SMYD3: variants seen among roughly 807,000 people sequenced by gnomAD.
The protein encoded by SMYD3 is histone-lysine N-methyltransferase SMYD3.
SMYD3 carries 36 observed loss-of-function variants against 57.7 expected under a neutral mutation model. That is an observed-to-expected ratio of 0.62 (90% confidence interval 0.48 to 0.82). The LOEUF is 0.82. SMYD3 is among the 40% of genes least tolerant of loss of function. The probability of loss-of-function intolerance (pLI) is 0.00; values close to 1 mark genes in which losing one functional copy is unlikely to be tolerated. For missense variants in SMYD3, 515 were observed against 538.8 expected (o/e 0.96, Z 0.44); for synonymous variants, 211 against 195.0 (o/e 1.08, Z -0.68).
At chr1:246,438,066 AG>A (rs35134666) in intron 1 of SMYD3, among the ~76,000 whole-genome samples, 61,752 of 151,994 alleles carry the variant, frequency 0.41, 13,980 homozygotes, top group Admixed American at 0.52. Context: ...GATCAAATAG[AG>A]GGGGGAAAAA....
intron 7 of SMYD3, among the ~76,000 whole-genome samples, chr1:245,917,900 TAAAAG>T (rs1234023702): frequency 2.0e-5 from 3 of 152,186 alleles, no homozygotes; most frequent in African/African-American, 7.2e-5. Flanking sequence ...TTGTTATACT[TAAAAG>T]AAAGCATCTC....
At chr1:245,940,621 AT>A (rs1302477260) in intron 5 of SMYD3, among the ~76,000 whole-genome samples, 1 of 152,204 alleles carries the variant, frequency 6.6e-6, no homozygotes, top group Non-Finnish European at 1.5e-5. Context: ...CACCGACATC[AT>A]CATCAACAAA....
intron 5 of SMYD3, among the ~76,000 whole-genome samples, chr1:245,963,070 C>A (rs1194255741): frequency 1.3e-5 from 2 of 152,132 alleles, no homozygotes; most frequent in Non-Finnish European, 2.9e-5. Context: ...CTTCTGGCTT[C>A]TGATCTGGTA....
intron 1 of SMYD3, among the ~76,000 whole-genome samples, chr1:246,403,331 A>C (rs1230298248): frequency 6.7e-6 from 1 of 148,990 alleles, no homozygotes; most frequent in African/African-American, 2.4e-5. Context: ...CTGTGTCTTA[A>C]AAAAAAAAAA....
intron 5 of SMYD3, among the ~76,000 whole-genome samples, chr1:246,213,333 A>T (rs2063117767): frequency 6.6e-6 from 1 of 152,152 alleles, no homozygotes; most frequent in African/African-American, 2.4e-5. Flanking sequence ...GAAACTGAAG[A>T]TTTGGAATGG....
chr1:246,491,320 C>G (rs2068265832), intron 1 of SMYD3, among the ~76,000 whole-genome samples: 1 of 152,094 alleles, frequency 6.6e-6, no homozygotes, highest in South Asian at 2.1e-4. Context: ...GGCATATTAC[C>G]TAAGGTCAGG....
In SMYD3 at chr1:246,450,078, G is replaced by A. The variant is rs1026990512; in HGVS notation, c.164+56976C>T. Among the ~76,000 whole-genome samples the A allele has an allele frequency of 4.6e-5, 7 of 152,078 alleles. No individual in the cohort carries two copies. In the East Asian group the frequency reaches 5.8e-4, roughly 13 times the overall value. On this transcript the variant is annotated intron_variant, in intron 1 of 11. Transcript: ENST00000490107. The stretch of plus-strand genomic sequence containing the variant: ...CGAGGTGGGCAGATCACCTGAGGTC[G>A]GGAGTTCGAGACCAGCCTGACCAAC...
At chr1:245,972,910 T>C (rs2058337380) in intron 5 of SMYD3, among the ~76,000 whole-genome samples, 1 of 152,258 alleles carries the variant, frequency 6.6e-6, no homozygotes. Flanking sequence ...ATTATCATTA[T>C]GTCCCTTTGT....
At chr1:245,976,261 C>T (rs377044277) in intron 5 of SMYD3, among the ~76,000 whole-genome samples, 703 of 16,476 alleles carry the variant, frequency 0.043, no homozygotes, top group Admixed American at 0.09. Context: ...GTCTCCGGCC[C>T]AGGGAAAGCC....
chr1:246,316,631 T>C (rs1176027290), intron 5 of SMYD3, among the ~76,000 whole-genome samples: 8 of 142,322 alleles, frequency 5.6e-5, no homozygotes, highest in Non-Finnish European at 1.1e-4. Context: ...TCCACCCACC[T>C]TGGCCTCCCA....
intron 10 of SMYD3, among the ~76,000 whole-genome samples, chr1:245,791,545 T>C (rs2047266434): frequency 6.9e-6 from 1 of 144,912 alleles, no homozygotes; most frequent in Non-Finnish European, 1.5e-5. Context: ...CCAGACAGAT[T>C]ATCATTTTCT....
chr1:246,070,816 C>T (rs961147412), intron 5 of SMYD3, among the ~76,000 whole-genome samples: 1 of 152,288 alleles, frequency 6.6e-6, no homozygotes, highest in Admixed American at 6.5e-5. Context: ...AAGCCACTGC[C>T]TTGTTAGATA....
At chr1:246,269,533 CTTTTTTTTTCTT>C (rs2064176164) in intron 5 of SMYD3, among the ~76,000 whole-genome samples, 2 of 138,788 alleles carry the variant, frequency 1.4e-5, no homozygotes, top group Non-Finnish European at 1.5e-5. Flanking sequence ...CTTTCTGTTT[CTTTTTTTTTCTT>C]TTTTTTTTTT....
chr1:245,989,387 C>A (rs115159178), intron 5 of SMYD3, among the ~76,000 whole-genome samples: 1 of 152,170 alleles, frequency 6.6e-6, no homozygotes, highest in Non-Finnish European at 1.5e-5. Context: ...CCTATCTTCA[C>A]CTATGTTTAG....
chr1:245,907,446 G>A (rs2054647168), intron 8 of SMYD3, among the ~76,000 whole-genome samples: 1 of 152,050 alleles, frequency 6.6e-6, no homozygotes. Context: ...ATCACCACTA[G>A]ACTAGCTCTA....
intron 8 of SMYD3, among the ~76,000 whole-genome samples, chr1:245,911,217 A>G (rs1953753): frequency 0.87 from 132,157 of 152,122 alleles, 60,294 homozygotes; most frequent in South Asian, 1. Flanking sequence ...AGAAAATAAC[A>G]AATGCTGGCA....
At chr1:246,391,420 A>AG (rs1558440367) in intron 1 of SMYD3, among the ~76,000 whole-genome samples, 61 of 130,170 alleles carry the variant, frequency 4.7e-4, no homozygotes, top group African/African-American at 6.8e-4. Flanking sequence ...GAGAGAGAAA[A>AG]AGAGAGAGAG....
chr1:246,249,822 T>C (rs74749542), intron 5 of SMYD3, among the ~76,000 whole-genome samples: 6,718 of 152,302 alleles, frequency 0.044, 232 homozygotes, highest in African/African-American at 0.086. Context: ...GTTCCTTAGA[T>C]ACAATGTTCT....
intron 5 of SMYD3, among the ~76,000 whole-genome samples, chr1:246,137,846 A>G (rs2061686687): frequency 6.6e-6 from 1 of 152,180 alleles, no homozygotes; most frequent in African/African-American, 2.4e-5. Flanking sequence ...CATTTTGTAT[A>G]TAATTCTACT....
Sources: allele counts gnomAD v4.1 joint callset (sites outside exome capture counted in the v4.1 genomes callset), GRCh38; gene constraint gnomAD v4.1.1; transcripts MANE v1.5; gene names NCBI Gene and HGNC (gene_info 2026-07-23, HGNC 2026-07-21).